MYL6: variants seen among roughly 807,000 people sequenced by gnomAD.
MYL6 encodes myosin light polypeptide 6.
In MYL6, 20 loss-of-function variants were observed where a neutral mutation model predicts 20.3. That is an observed-to-expected ratio of 0.98 (90% CI 0.69 to 1.43). The LOEUF (loss-of-function observed/expected upper bound fraction) is 1.43, where lower values mean the gene tolerates loss of function less well. MYL6 is among the 40% of genes most tolerant of loss of function. The pLI is 0.00. For synonymous variants in MYL6, 77 were observed against 72.4 expected (o/e 1.06, Z -0.32); for missense variants, 164 against 191.0 (o/e 0.86, Z 0.83).
chr12:56,160,292 G>A lies in MYL6; in HGVS notation c.399G>A (p.Glu133=). ...EEVEMLVAGH[E]DSNGCINYEA... The stretch of plus-strand genomic sequence containing the variant: ...TAGAGATGCTGGTGGCAGGGCATGA[G>A]GACAGCAATGGTTGTATCAACTATG... The change falls in exon 5 of 7, where the codon GAG becomes GAA. Residue 133 remains glutamate, a synonymous_variant. Transcript: ENST00000550697. 1 of 1,614,232 alleles carries A rather than the reference G, an allele frequency of 6.2e-7. No individual in the cohort carries two copies.
At chr12:56,158,530 G>A in intron 1 of MYL6, 126 bp downstream of exon 1, 2 of 1,610,032 alleles carry the variant, frequency 1.2e-6, no homozygotes, top group South Asian at 2.2e-5. Context: ...GTTGGAGGTG[G>A]GGTTGGAAAG....
rs376525133 is a variant in MYL6, at chr12:56,158,634, C to T, written c.4-50C>T. On this transcript the variant is annotated intron_variant, in intron 1 of 6. Coordinates refer to ENST00000550697, the MANE Select transcript of MYL6 (RefSeq NM_021019.5). ...AGAGTTTGTGGGGCTGGGATAGAAACTCGGGGGATTGGCGTTCAGATGCTG... is the reference window on the plus strand; with the variant it reads ...AGAGTTTGTGGGGCTGGGATAGAAATTCGGGGGATTGGCGTTCAGATGCTG... 4 of 1,613,782 alleles carry T rather than the reference C, an allele frequency of 2.5e-6. No individual in the cohort carries two copies. The African/African-American group carries it at 4.0e-5, about 16-fold the overall frequency.
Position 56,159,722 on chromosome 12 carries a change from A to G in MYL6, c.167A>G (p.Lys56Arg), listed in dbSNP as rs1428507923. The change falls in exon 3 of 7, where the codon AAG (lysine) becomes AGG (arginine). Residue 56 changes from lysine to arginine, a missense_variant. By Grantham distance (26) the Lys-to-Arg change is conservative. Transcript: ENST00000550697. ...AEVLKVLGNPKSDEMNVKVLD... is the reference protein window; with the variant it reads ...AEVLKVLGNPRSDEMNVKVLD... The stretch of plus-strand genomic sequence containing the variant: ...GTGCTCAAGGTCCTGGGGAACCCCA[A>G]GAGTGATGGTGAGGGGCCTAAAGAA... 6.2e-7 allele frequency: 1 copy of G among 1,613,914 alleles called. No homozygotes were observed. The highest frequency in any genetic ancestry group is 1.7e-5 in the Admixed American group (1 of 59,976).
At position 56,158,705 on chromosome 12, in the gene MYL6, A is replaced by C; in HGVS notation, c.25A>C (p.Thr9Pro). The change falls in exon 2 of 7, where the codon ACC (threonine) becomes CCC (proline). Residue 9 changes from threonine (T) to proline (P), a missense_variant. Physicochemically the swap from Thr to Pro is conservative, Grantham distance 38. Coordinates refer to ENST00000550697, the MANE Select transcript of MYL6 (RefSeq NM_021019.5). The part of the protein sequence containing the change: MCDFTEDQ[T>P]AEFKEAFQLF... ...GCAGTGTGACTTCACCGAAGACCAG[A>C]CCGCAGGTAGGTTATCTCTGATCCC... 2.5e-6 allele frequency: 4 copies of C among 1,614,026 alleles called. No individual in the cohort carries two copies. Among genetic ancestry groups the C allele is most frequent in the Non-Finnish European group, 3.4e-6 (4 of 1,179,998 alleles).
At position 56,160,059 on chromosome 12, in the gene MYL6, A is replaced by T; in HGVS notation, c.260A>T (p.Glu87Val). The change falls in exon 4 of 7, where the codon GAG (glutamate) becomes GTG (valine). Residue 87 changes from glutamate to valine, a missense_variant. Coordinates refer to ENST00000550697, the MANE Select transcript of MYL6 (RefSeq NM_021019.5). Reference sequence around the variant, plus strand: ...AAGAACAAGGACCAGGGCACCTATGAGGATTATGTCGAAGGACTTCGGGTG... The same window carrying T: ...AAGAACAAGGACCAGGGCACCTATGTGGATTATGTCGAAGGACTTCGGGTG... ...VAKNKDQGTY[E>V]DYVEGLRVFD... The T allele has an allele frequency of 6.2e-7, 1 of 1,614,178 alleles. No homozygotes were observed.
At chr12:56,159,470 G>A (rs944921520) in intron 2 of MYL6, 117 bp from the exon 3 acceptor site, 17 of 1,370,110 alleles carry the variant, frequency 1.2e-5, no homozygotes, top group African/African-American at 5.8e-5. Flanking sequence ...TTGGTGTACA[G>A]TTTGGTGCAG....
intron 2 of MYL6, chr12:56,159,287 C>T (rs1360893769): frequency 5.4e-6 from 2 of 373,434 alleles, no homozygotes; most frequent in South Asian, 3.5e-5. Flanking sequence ...TGAGACTGGG[C>T]GGTGGCGAAT....
intron 6 of MYL6, 104 bp from the exon 7 acceptor site, chr12:56,161,283 C>A: frequency 7.1e-7 from 1 of 1,405,494 alleles, no homozygotes; most frequent in Non-Finnish European, 1.0e-6. Flanking sequence ...TTGCTGTGGG[C>A]ATGTTCCCGC....
In MYL6 at chr12:56,161,521, C is replaced by A; in HGVS notation, c.*151C>A. On this transcript the variant is annotated 3_prime_UTR_variant, in exon 7 of 7. Coordinates refer to ENST00000550697, the MANE Select transcript of MYL6 (RefSeq NM_021019.5). Reference sequence around the variant, plus strand: ...TGTCTCAGCAACTTTCCCATCTTGTCTCTCTTGGATGATGTTTGCCGTCAG... The same window carrying A: ...TGTCTCAGCAACTTTCCCATCTTGTATCTCTTGGATGATGTTTGCCGTCAG... The A allele has an allele frequency of 7.3e-7, 1 of 1,369,878 alleles. No individual in the cohort carries two copies. The highest frequency in any genetic ancestry group is 1.0e-6 in the Non-Finnish European group (1 of 961,728). The allele number at this position is 1,369,878 out of a possible 1,614,324, so 84.9% of individuals were successfully genotyped here.
In MYL6 at chr12:56,161,511, C is replaced by G; in HGVS notation, c.*141C>G. 7.0e-7 allele frequency: 1 copy of G among 1,419,354 alleles called. No individual in the cohort carries two copies. Among genetic ancestry groups the G allele is most frequent in the Non-Finnish European group, 9.9e-7 (1 of 1,005,644 alleles). 87.9% of individuals were successfully genotyped at this position (1,419,354 alleles called of 1,614,324 possible). On this transcript the variant is annotated 3_prime_UTR_variant, in exon 7 of 7. Transcript: ENST00000550697. Reference sequence around the variant, plus strand: ...TAGGCTTTCTTGTCTCAGCAACTTTCCCATCTTGTCTCTCTTGGATGATGT... The same window carrying G: ...TAGGCTTTCTTGTCTCAGCAACTTTGCCATCTTGTCTCTCTTGGATGATGT...
Position 56,160,633 on chromosome 12 carries a change from G to A in MYL6, c.435G>A (p.Val145=). 10 of 1,614,200 alleles carry A rather than the reference G, an allele frequency of 6.2e-6. No individual in the cohort carries two copies. The highest frequency in any genetic ancestry group is 4.4e-5 in the South Asian group (4 of 91,090). The part of the protein sequence containing the change: ...SNGCINYEAF[V]RHILSG ...GTCTCTTCCTTCCTGCAGCGTTTGT[G>A]AGGCATATCCTGTCGGGGTGACGGG... Residue 145 remains valine, a synonymous_variant, in exon 6 of 7, where the codon GTG becomes GTA. Coordinates refer to ENST00000550697, the MANE Select transcript of MYL6 (RefSeq NM_021019.5).
chr12:56,159,666 G>A lies in MYL6; in HGVS notation c.111G>A (p.Arg37=). The A allele has an allele frequency of 6.2e-7, 1 of 1,614,162 alleles. No individual in the cohort carries two copies. The highest frequency in any genetic ancestry group is 1.7e-5 in the Admixed American group (1 of 60,020). ...ACAGCCAGTGTGGGGATGTGATGAGGGCCCTGGGCCAGAACCCTACCAACG... is the reference window on the plus strand; with the variant it reads ...ACAGCCAGTGTGGGGATGTGATGAGAGCCCTGGGCCAGAACCCTACCAACG... ...ILYSQCGDVM[R]ALGQNPTNAE... The change falls in exon 3 of 7, where the codon AGG becomes AGA. Residue 37 remains arginine, a synonymous_variant. Transcript: ENST00000550697.
Position 56,158,668 on chromosome 12 carries a change from C to T in MYL6, c.4-16C>T, listed in dbSNP as rs763157786. On this transcript the variant is annotated splice_polypyrimidine_tract_variant and intron_variant, in intron 1 of 6. Coordinates refer to ENST00000550697, the MANE Select transcript of MYL6 (RefSeq NM_021019.5). ...TTGGCGTTCAGATGCTGACCACTTCCCTCTTCTCTGAGCAGTGTGACTTCA... is the reference window on the plus strand; with the variant it reads ...TTGGCGTTCAGATGCTGACCACTTCTCTCTTCTCTGAGCAGTGTGACTTCA... 6 of 1,613,996 alleles carry T rather than the reference C, an allele frequency of 3.7e-6. No individual in the cohort carries two copies. The Admixed American group carries it at 6.7e-5, about 18-fold the overall frequency.
chr12:56,158,895 A>G (rs1299153942), intron 2 of MYL6, 184 bp downstream of exon 2: 2 of 1,434,546 alleles, frequency 1.4e-6, no homozygotes, highest in African/African-American at 2.9e-5. Flanking sequence ...CTCCCCTTCC[A>G]CTCTAGATCT....
chr12:56,160,772 C>A, intron 6 of MYL6, 102 bp downstream of exon 6: 1 of 1,310,972 alleles, frequency 7.6e-7, no homozygotes, highest in Non-Finnish European at 1.1e-6. Flanking sequence ...TACCATCTGA[C>A]TTCCTCCTGG....
In MYL6 at chr12:56,161,457, T is replaced by C; in HGVS notation, c.*87T>C. ...CCCAGAGTCCGTGCCTTTCCCTGTG[T>C]GAATTTTGTATCTAGCCTAAAGTTT... On this transcript the variant is annotated 3_prime_UTR_variant, in exon 7 of 7. Coordinates refer to ENST00000550697, the MANE Select transcript of MYL6 (RefSeq NM_021019.5). The C allele has an allele frequency of 1.9e-6, 3 of 1,611,030 alleles. No individual in the cohort carries two copies. The highest frequency in any genetic ancestry group is 2.5e-6 in the Non-Finnish European group (3 of 1,177,216).
At chr12:56,161,220 G>T in intron 6 of MYL6, 167 bp from the exon 7 acceptor site, 1 of 738,490 alleles carries the variant, frequency 1.4e-6, no homozygotes. Context: ...CTAGGGGCAT[G>T]GAGAACTGGT....
chr12:56,158,609 A>C, intron 1 of MYL6, 75 bp from the exon 2 acceptor site: 1 of 1,607,500 alleles, frequency 6.2e-7, no homozygotes, highest in Non-Finnish European at 8.5e-7. Context: ...TTTGTGGGTC[A>C]GAGTTTGTGG....
chr12:56,158,444 G>C, intron 1 of MYL6, 40 bp downstream of exon 1: 2 of 1,548,418 alleles, frequency 1.3e-6, no homozygotes, highest in Non-Finnish European at 1.7e-6. Flanking sequence ...GATTGGGGAC[G>C]AGAGGCAGGA....
Sources: allele counts gnomAD v4.1 joint callset, GRCh38; gene constraint gnomAD v4.1.1; transcripts MANE v1.5; gene names NCBI Gene and HGNC (gene_info 2026-07-23, HGNC 2026-07-21).